RABGAP1: variants seen among roughly 807,000 people sequenced by gnomAD.
The protein encoded by RABGAP1 is rab GTPase-activating protein 1.
A neutral mutation model predicts 137.6 loss-of-function variants in RABGAP1; 23 were observed. That is an observed-to-expected ratio of 0.17 (90% CI 0.12 to 0.24). The LOEUF (loss-of-function observed/expected upper bound fraction) is 0.24, where lower values mean the gene tolerates loss of function less well. Ranked by LOEUF, RABGAP1 falls within the 10% of genes least tolerant of loss-of-function variation. The probability of loss-of-function intolerance (pLI) is 1.00; values close to 1 mark genes in which losing one functional copy is unlikely to be tolerated. For missense variants in RABGAP1, 906 were observed against 1,275.8 expected, an observed-to-expected ratio of 0.71 and a Z score of 4.42; for synonymous variants, 451 against 450.7, an observed-to-expected ratio of 1.00 and a Z score of -0.01.
chr9:123,049,268 A>G (rs1231327870), intron 13 of RABGAP1, among the ~76,000 whole-genome samples: 2 of 152,166 alleles, frequency 1.3e-5, no homozygotes, highest in Admixed American at 1.3e-4. Flanking sequence ...TGACAGTTCA[A>G]TGATTACAGC....
intron 2 of RABGAP1, among the ~76,000 whole-genome samples, chr9:122,978,554 GAGCCCAGAAGTTTGAGGCTGC>G (rs1364331715): frequency 6.6e-6 from 1 of 152,170 alleles, no homozygotes; most frequent in Non-Finnish European, 1.5e-5. Context: ...AAGATCGCTT[GAGCCCAGAAGTTTGAGGCTGC>G]AGTGAGCTAT....
intron 19 of RABGAP1, among the ~76,000 whole-genome samples, chr9:123,084,825 A>AT (rs1158618298): frequency 3.9e-5 from 6 of 152,290 alleles, no homozygotes; most frequent in African/African-American, 1.4e-4. Context: ...ACTGTTAACG[A>AT]TTTTTACAGA....
chr9:123,024,695 C>G (rs932934345), intron 13 of RABGAP1, among the ~76,000 whole-genome samples: 10 of 152,164 alleles, frequency 6.6e-5, no homozygotes, highest in Admixed American at 2.6e-4. Context: ...ACCTCGGCCT[C>G]CCAAAGTTCT....
intron 9 of RABGAP1, 63 bp from the exon 10 acceptor site, chr9:122,998,534 C>A: frequency 8.0e-7 from 1 of 1,253,466 alleles, no homozygotes; most frequent in Non-Finnish European, 1.1e-6. Flanking sequence ...TTTATGGAAT[C>A]TTATGAGCAA....
At chr9:122,969,516 T>A (rs1313898637) in intron 2 of RABGAP1, among the ~76,000 whole-genome samples, 3 of 152,256 alleles carry the variant, frequency 2.0e-5, no homozygotes, top group Admixed American at 2.0e-4. Context: ...ATTCAAATTG[T>A]TAAATCTTTA....
intron 21 of RABGAP1, among the ~76,000 whole-genome samples, chr9:123,095,148 A>T (rs547124929): frequency 1.6e-3 from 240 of 146,230 alleles, no homozygotes; most frequent in African/African-American, 6.0e-3. Flanking sequence ...GATCACTTGA[A>T]CCCGGGAGGC....
At chr9:122,975,898 A>C in intron 2 of RABGAP1, among the ~76,000 whole-genome samples, 1 of 152,206 alleles carries the variant, frequency 6.6e-6, no homozygotes, top group East Asian at 1.9e-4. Context: ...CCTCAGTTAC[A>C]GAGTTAATGT....
intron 11 of RABGAP1, among the ~76,000 whole-genome samples, chr9:123,010,801 A>AT (rs1048337806): frequency 3.3e-5 from 5 of 151,070 alleles, no homozygotes; most frequent in South Asian, 2.1e-4. Context: ...ATATTAGCAC[A>AT]TTTTTTTTTA....
chr9:123,058,858 A>G (rs1486340544), intron 13 of RABGAP1, among the ~76,000 whole-genome samples: 2 of 152,204 alleles, frequency 1.3e-5, no homozygotes, highest in Non-Finnish European at 2.9e-5. Flanking sequence ...GGACTTGAAT[A>G]TATGTCTGGG....
chr9:123,058,050 AGGGGAGAG>A (rs146909267), intron 13 of RABGAP1, among the ~76,000 whole-genome samples: 35 of 136,926 alleles, frequency 2.6e-4, no homozygotes, highest in Admixed American at 7.7e-4. Flanking sequence ...GTGGAAAGAG[AGGGGAGAG>A]GGGGAGAGGG....
chr9:123,061,126 A>G (rs566001591), intron 13 of RABGAP1, among the ~76,000 whole-genome samples: 2 of 152,100 alleles, frequency 1.3e-5, no homozygotes, highest in East Asian at 3.9e-4. Context: ...TGTTGTTGTT[A>G]TTGTTGTATA....
In RABGAP1 at chr9:122,945,147, CTTTT is replaced by C. The variant is rs202090815; in HGVS notation, c.-50+4067_-50+4070del. 1.8e-4 allele frequency among the ~76,000 whole-genome samples: 14 copies of C among 75,770 alleles called. 2 individuals carry two copies. Among genetic ancestry groups the C allele is most frequent in the Admixed American group, 4.8e-4 (3 of 6,314 alleles). 49.7% of individuals were successfully genotyped at this position (75,770 alleles called of 152,430 possible). On this transcript the variant is annotated intron_variant, in intron 1 of 25. Transcript: ENST00000373647. ...CACCATGTATACATCATAGCTGTTG[CTTTT>C]TTTTTTTTTTTTAGCATAAACTGGT... is the stretch of plus-strand genomic sequence containing the variant.
rs568268724 is a variant in RABGAP1, at chr9:122,996,672, C to G, written c.1101+67C>G. ...CAGTAAAGGTTGTTTCACTTTTTCT[C>G]ATCTGAATCTAGTGTTAAAACATGT... On this transcript the variant is annotated intron_variant, in intron 8 of 25. Coordinates refer to ENST00000373647, the MANE Select transcript of RABGAP1 (RefSeq NM_012197.4). 4 of 1,283,114 alleles carry G rather than the reference C, an allele frequency of 3.1e-6. No homozygotes were observed. The African/African-American group carries it at 6.0e-5, about 19-fold the overall frequency. 79.5% of individuals were successfully genotyped at this position (1,283,114 alleles called of 1,614,324 possible).
At chr9:122,955,269 C>T (rs1221333121) in intron 1 of RABGAP1, among the ~76,000 whole-genome samples, 3 of 152,164 alleles carry the variant, frequency 2.0e-5, no homozygotes, top group South Asian at 2.1e-4. Context: ...TTATTAGGTA[C>T]GATTTGCTTC....
chr9:123,018,151 C>A (rs778764024), intron 12 of RABGAP1, among the ~76,000 whole-genome samples: 1 of 152,128 alleles, frequency 6.6e-6, no homozygotes, highest in African/African-American at 2.4e-5. Flanking sequence ...CCCGCCACCT[C>A]GTCCGGCTAA....
At chr9:123,009,892 G>A (rs1431815302) in intron 10 of RABGAP1, among the ~76,000 whole-genome samples, 1 of 152,138 alleles carries the variant, frequency 6.6e-6, no homozygotes, top group Admixed American at 6.5e-5. Context: ...AACATTATTA[G>A]AAGTAAGAAT....
At chr9:122,993,105 G>A (rs182539022) in intron 6 of RABGAP1, among the ~76,000 whole-genome samples, 1 of 152,024 alleles carries the variant, frequency 6.6e-6, no homozygotes, top group African/African-American at 2.4e-5. Flanking sequence ...GTGTTGAATA[G>A]AGTACTAAAA....
intron 13 of RABGAP1, chr9:123,062,257 A>G (rs1007472218): frequency 6.6e-6 from 1 of 152,244 alleles, no homozygotes; most frequent in African/African-American, 2.4e-5. Flanking sequence ...GACAAGAGCG[A>G]AACAAGAAAG....
chr9:123,026,566 T>C (rs2031982509), intron 13 of RABGAP1, among the ~76,000 whole-genome samples: 1 of 152,204 alleles, frequency 6.6e-6, no homozygotes, highest in South Asian at 2.1e-4. Flanking sequence ...TCTTCTGGTG[T>C]TTGATTAAGA....
Sources: gnomAD v4.1 joint callset for allele counts (sites outside exome capture counted in the v4.1 genomes callset) on GRCh38, gnomAD v4.1.1 for gene constraint, MANE v1.5 for transcripts, NCBI Gene and HGNC (gene_info 2026-07-23, HGNC 2026-07-21) for gene names.